The following UBE2M variants were observed in gnomAD, a reference collection of about 807,000 sequenced individuals.
UBE2M encodes the protein NEDD8-conjugating enzyme Ubc12.
In UBE2M, 2 loss-of-function variants were observed where a neutral mutation model predicts 23.5. That is an observed-to-expected ratio of 0.09 (90% CI 0.03 to 0.27). The LOEUF (loss-of-function observed/expected upper bound fraction) is 0.27. UBE2M is among the 10% of genes least tolerant of loss of function. The pLI is 1.00. For missense variants in UBE2M, 103 were observed against 232.9 expected, an observed-to-expected ratio of 0.44 and a Z score of 3.63; for synonymous variants, 97 against 95.2, an observed-to-expected ratio of 1.02 and a Z score of -0.11.
rs539871330 is a variant in UBE2M at position 58,556,131 on chromosome 19, A to G, written c.510T>C (p.Gly170=). Residue 170 remains glycine (G), a synonymous_variant, in exon 6 of 6, where the codon GGT becomes GGC. Transcript: ENST00000253023. This position sits in a 1 kb window ranked among gnomAD's most constrained non-coding sequence, Gnocchi z 4.9. The part of the protein sequence containing the change: ...FEQNVQRSMR[G]GYIGSTYFER... ...CAAAGTAGGTGGAGCCGATGTAGCC[A>G]CCCCGCATGGAGCGCTGCACGTTCT... 8.9e-5 allele frequency: 143 copies of G among 1,613,090 alleles called. 3 individuals are homozygous for G. The South Asian group carries it at 1.4e-3, about 16-fold the overall frequency.
rs139682308 is a variant in UBE2M at position 58,555,815 on chromosome 19, C to A, written c.*274G>T. On this transcript the variant is annotated 3_prime_UTR_variant, in exon 6 of 6. Transcript: ENST00000253023. ...GCCCGTTGCCCACCCACTCCACAGC[C>A]CAGAGTGGGGGCTGAACAAGCACCC... The A allele has an allele frequency of 9.8e-3, 4,954 of 504,256 alleles. 43 individuals carry two copies. Among genetic ancestry groups the A allele is most frequent in the Non-Finnish European group, 0.015 (4,022 of 277,326 alleles). The allele number at this position is 504,256 out of a possible 1,614,324, so 31.2% of individuals were successfully genotyped here. A position where few individuals can be genotyped will look rare whatever the true frequency, so the allele number is the denominator to read the frequency against.
Position 58,556,518 on chromosome 19 carries a change from G to A in UBE2M, c.348-139C>T. 1 of 1,104,466 alleles carries A rather than the reference G, an allele frequency of 9.1e-7. No individual in the cohort carries two copies. The highest frequency in any genetic ancestry group is 1.3e-6 in the Non-Finnish European group (1 of 773,432). The allele number at this position is 1,104,466 out of a possible 1,614,324, so 68.4% of individuals were successfully genotyped here. A position where few individuals can be genotyped will look rare whatever the true frequency, so the allele number is the denominator to read the frequency against. On this transcript the variant is annotated intron_variant, in intron 4 of 5. Transcript: ENST00000253023. The surrounding 1 kb of genome is among the most constrained non-coding windows in gnomAD (Gnocchi z 4.9). ...GGGAGGGAGGGTGTGGAGCAGGACA[G>A]GCCAAGGAGAAAACCAAGGTCAGGC...
chr19:58,557,195 G>A, intron 1 of UBE2M, 38 bp from the exon 2 acceptor site: 2 of 1,596,098 alleles, frequency 1.3e-6, no homozygotes, highest in Admixed American at 1.7e-5. Flanking sequence ...ACAGAAAGAG[G>A]GAGGGGAAGA....
rs747189992 is a variant in UBE2M, at chr19:58,558,332, G to A, written c.50C>T (p.Ala17Val). 7 of 1,597,296 alleles carry A rather than the reference G, an allele frequency of 4.4e-6. No individual in the cohort carries two copies. Among genetic ancestry groups the A allele is most frequent in the Non-Finnish European group, 6.0e-6 (7 of 1,173,270 alleles). Residue 17 changes from alanine (A) to valine (V), a missense_variant, in exon 1 of 6, where the codon GCG (alanine) becomes GTG (valine). Physicochemically the swap from Ala to Val is moderately conservative, Grantham distance 64. Transcript: ENST00000253023. The surrounding 1 kb of genome is among the most constrained non-coding windows in gnomAD (Gnocchi z 4.7). ...CTTGCTGCTGCCCTTGGTGCCGCCC[G>A]CCGACTCCTCCTCCTTCTTCTGCTG... ...LKQQKKEEES[A>V]GGTKGSSKKA... is the part of the protein sequence containing the mutation.
chr19:58,555,827 C>A lies in UBE2M; in HGVS notation c.*262G>T. The A allele has an allele frequency of 5.7e-6, 3 of 527,662 alleles. No individual in the cohort carries two copies. The highest frequency in any genetic ancestry group is 1.0e-5 in the Non-Finnish European group (3 of 293,484). 32.7% of individuals were successfully genotyped at this position (527,662 alleles called of 1,614,324 possible). A position where few individuals can be genotyped will look rare whatever the true frequency, so the allele number is the denominator to read the frequency against. ...CCCACTCCACAGCCCAGAGTGGGGG[C>A]TGAACAAGCACCCAGCAGGGGGGCT... On this transcript the variant is annotated 3_prime_UTR_variant, in exon 6 of 6. Transcript: ENST00000253023.
rs1022462857 is a variant in UBE2M at position 58,555,937 on chromosome 19, T to A, written c.*152A>T. 74 of 1,061,306 alleles carry A rather than the reference T, an allele frequency of 7.0e-5. No individual in the cohort carries two copies. Among genetic ancestry groups the A allele is most frequent in the African/African-American group, 2.0e-4 (12 of 61,198 alleles). The allele number at this position is 1,061,306 out of a possible 1,614,324, so 65.7% of individuals were successfully genotyped here. A position where few individuals can be genotyped will look rare whatever the true frequency, so the allele number is the denominator to read the frequency against. On this transcript the variant is annotated 3_prime_UTR_variant, in exon 6 of 6. Transcript: ENST00000253023. Reference sequence around the variant, plus strand: ...TCACATGGTGTTAAAAAAAAAAAAATAACTAGGGGCACGTGGCAGGAAGGG... The same window carrying A: ...TCACATGGTGTTAAAAAAAAAAAAAAAACTAGGGGCACGTGGCAGGAAGGG...
chr19:58,557,522 G>C (rs935685330), intron 1 of UBE2M, among the ~76,000 whole-genome samples: 3 of 151,700 alleles, frequency 2.0e-5, no homozygotes, highest in Non-Finnish European at 2.9e-5. Context: ...CCACTCTACA[G>C]TATCTACCTG....
At chr19:58,557,023 C>G (rs1458672238) in intron 2 of UBE2M, 40 bp downstream of exon 2, 4 of 1,613,814 alleles carry the variant, frequency 2.5e-6, no homozygotes, top group Non-Finnish European at 3.4e-6. Flanking sequence ...TGGGGACACC[C>G]TTGGTTTGCT....
At position 58,558,384 on chromosome 19, in the gene UBE2M, T is replaced by TGCCGCC. The variant is rs758423838; in HGVS notation, c.-9_-4dup. 7.8e-6 allele frequency: 11 copies of TGCCGCC among 1,401,390 alleles called. No individual in the cohort carries two copies. Among genetic ancestry groups the TGCCGCC allele is most frequent in the South Asian group, 4.5e-5 (3 of 67,020 alleles). The allele number at this position is 1,401,390 out of a possible 1,614,324, so 86.8% of individuals were successfully genotyped here. On this transcript the variant is annotated 5_prime_UTR_variant, in exon 1 of 6. Transcript: ENST00000253023. This position sits in a 1 kb window ranked among gnomAD's most constrained non-coding sequence, Gnocchi z 4.7. The stretch of plus-strand genomic sequence containing the variant: ...TTCAGCGAGAACAGCTTGATCATCC[T>TGCCGCC]GCCGCCGCCGCCGCCGCTGCCGCCG...
chr19:58,557,283 C>T (rs1483628613), intron 1 of UBE2M, 126 bp from the exon 2 acceptor site: 9 of 937,050 alleles, frequency 9.6e-6, no homozygotes, highest in East Asian at 2.5e-5. Context: ...CCTGGACCCC[C>T]AGGCGCCTCT....
In UBE2M at chr19:58,556,972, C is replaced by T. The variant is rs773292898; in HGVS notation, c.205-42G>A. The stretch of plus-strand genomic sequence containing the variant: ...GAGAAGAAAATTTTAGGGTTCCATC[C>T]TGTGGGGCCCGATGGGCAGAACATG... On this transcript the variant is annotated intron_variant, in intron 2 of 5. Transcript: ENST00000253023. This position sits in a 1 kb window ranked among gnomAD's most constrained non-coding sequence, Gnocchi z 4.9. The T allele has an allele frequency of 1.2e-6, 2 of 1,613,938 alleles. No homozygotes were observed. Among genetic ancestry groups the T allele is most frequent in the East Asian group, 4.5e-5 (2 of 44,884 alleles).
chr19:58,556,197 C>T lies in UBE2M; in HGVS notation c.444G>A (p.Glu148=). 6.2e-7 allele frequency: 1 copy of T among 1,614,188 alleles called. No homozygotes were observed. The highest frequency in any genetic ancestry group is 8.5e-7 in the Non-Finnish European group (1 of 1,180,016). ...EPNPEDPLNK[E]AAEVLQNNRR... The stretch of plus-strand genomic sequence containing the variant: ...GGTTGTTCTGCAGGACCTCTGCGGC[C>T]TCCTTGTTCAGTGGGTCCTCGGGGT... The change falls in exon 6 of 6, where the codon GAG becomes GAA. Residue 148 remains glutamate, a synonymous_variant. Coordinates refer to ENST00000253023, the MANE Select transcript of UBE2M (RefSeq NM_003969.4). The surrounding 1 kb of genome is among the most constrained non-coding windows in gnomAD (Gnocchi z 4.9).
In UBE2M at chr19:58,556,944, G is replaced by C; in HGVS notation, c.205-14C>G. 1 of 1,614,020 alleles carries C rather than the reference G, an allele frequency of 6.2e-7. No individual in the cohort carries two copies. Among genetic ancestry groups the C allele is most frequent in the South Asian group, 1.1e-5 (1 of 91,082 alleles). On this transcript the variant is annotated splice_polypyrimidine_tract_variant and intron_variant, in intron 2 of 5. Transcript: ENST00000253023. This position sits in a 1 kb window ranked among gnomAD's most constrained non-coding sequence, Gnocchi z 4.9. The stretch of plus-strand genomic sequence containing the variant: ...CTTGTAGAAGCCCTGGGAGGAAAAG[G>C]GGGAGAAGAAAATTTTAGGGTTCCA...
Position 58,555,803 on chromosome 19 carries a change from C to T in UBE2M, c.*286G>A, listed in dbSNP as rs947350128. 2 of 451,634 alleles carry T rather than the reference C, an allele frequency of 4.4e-6. No homozygotes were observed. The highest frequency in any genetic ancestry group is 3.5e-5 in the Admixed American group (1 of 28,450). The allele number at this position is 451,634 out of a possible 1,614,324, so 28.0% of individuals were successfully genotyped here. A position where few individuals can be genotyped will look rare whatever the true frequency, so the allele number is the denominator to read the frequency against. On this transcript the variant is annotated 3_prime_UTR_variant, in exon 6 of 6. Coordinates refer to ENST00000253023, the MANE Select transcript of UBE2M (RefSeq NM_003969.4). ...CCAGCTACCCAGGCCCGTTGCCCAC[C>T]CACTCCACAGCCCAGAGTGGGGGCT...
chr19:58,556,081 C>G lies in UBE2M; in HGVS notation c.*8G>C. The stretch of plus-strand genomic sequence containing the variant: ...TGTGGCCGTGGCGGGGGTGGGTATG[C>G]GCCAACCCTATTTCAGGCAGCGCTC... On this transcript the variant is annotated 3_prime_UTR_variant, in exon 6 of 6. Coordinates refer to ENST00000253023, the MANE Select transcript of UBE2M (RefSeq NM_003969.4). The surrounding 1 kb of genome is among the most constrained non-coding windows in gnomAD (Gnocchi z 4.9). 1 of 1,601,934 alleles carries G rather than the reference C, an allele frequency of 6.2e-7. No individual in the cohort carries two copies. Among genetic ancestry groups the G allele is most frequent in the Non-Finnish European group, 8.5e-7 (1 of 1,172,768 alleles).
In UBE2M at chr19:58,555,724, C is replaced by T. The variant is rs1227602171; in HGVS notation, c.*365G>A. On this transcript the variant is annotated 3_prime_UTR_variant, in exon 6 of 6. Coordinates refer to ENST00000253023, the MANE Select transcript of UBE2M (RefSeq NM_003969.4). The stretch of plus-strand genomic sequence containing the variant: ...GAAGCAGAGGCCATGCAGTAACATT[C>T]CCCTTTAATAGCCTGGTGGGACCTC... 2 of 272,766 alleles carry T rather than the reference C, an allele frequency of 7.3e-6. No homozygotes were observed. The highest frequency in any genetic ancestry group is 1.5e-5 in the Non-Finnish European group (2 of 137,774). The allele number at this position is 272,766 out of a possible 1,614,324, so 16.9% of individuals were successfully genotyped here.
chr19:58,556,615 A>G lies in UBE2M; in HGVS notation c.347+72T>C, dbSNP rs2053892343. 5 of 1,302,828 alleles carry G rather than the reference A, an allele frequency of 3.8e-6. No individual in the cohort carries two copies. Among genetic ancestry groups the G allele is most frequent in the Non-Finnish European group, 5.3e-6 (5 of 943,542 alleles). 80.7% of individuals were successfully genotyped at this position (1,302,828 alleles called of 1,614,324 possible). ...GGTGGGAAGGGACAGAGTCTGATGT[A>G]GTGCCCACAAGACCATGAGGGAGGC... is the stretch of plus-strand genomic sequence containing the variant. On this transcript the variant is annotated intron_variant, in intron 4 of 5. Coordinates refer to ENST00000253023, the MANE Select transcript of UBE2M (RefSeq NM_003969.4). This position sits in a 1 kb window ranked among gnomAD's most constrained non-coding sequence, Gnocchi z 4.9.
rs566710013 is a variant in UBE2M at position 58,557,165 on chromosome 19, T to C, written c.110-8A>G. 3.1e-6 allele frequency: 5 copies of C among 1,613,568 alleles called. No individual in the cohort carries two copies. The South Asian group carries it at 5.5e-5, about 18-fold the overall frequency. On this transcript the variant is annotated splice_region_variant and splice_polypyrimidine_tract_variant and intron_variant, in intron 1 of 5. Coordinates refer to ENST00000253023, the MANE Select transcript of UBE2M (RefSeq NM_003969.4). ...GGTTCAGCTCGTTTATGTCTGGGTT[T>C]GGGTAGCAGAGAGTCGGGAACAGAA...
In UBE2M at chr19:58,556,355, C is replaced by G; in HGVS notation, c.372G>C (p.Thr124=). ...ILREDWKPVL[T]INSIIYGLQY... ...GCAGGCCATAAATTATGGAGTTTATCGTAAGGACTGGCTTCCAGTCCTCTC... is the reference window on the plus strand; with the variant it reads ...GCAGGCCATAAATTATGGAGTTTATGGTAAGGACTGGCTTCCAGTCCTCTC... Residue 124 remains threonine, a synonymous_variant, in exon 5 of 6, where the codon ACG becomes ACC. Transcript: ENST00000253023. This position sits in a 1 kb window ranked among gnomAD's most constrained non-coding sequence, Gnocchi z 4.9. 6.2e-7 allele frequency: 1 copy of G among 1,614,022 alleles called. No homozygotes were observed. Among genetic ancestry groups the G allele is most frequent in the South Asian group, 1.1e-5 (1 of 91,064 alleles).
Sources: gnomAD v4.1 joint callset for allele counts (sites outside exome capture counted in the v4.1 genomes callset) on GRCh38, gnomAD v4.1.1 for gene constraint, Gnocchi (gnomAD v3.1) non-coding constraint, MANE v1.5 for transcripts, NCBI Gene and HGNC (gene_info 2026-07-23, HGNC 2026-07-21) for gene names.